The following PAPOLA variants were observed in gnomAD, a reference collection of about 807,000 sequenced individuals.
PAPOLA encodes the protein poly(A) polymerase alpha.
A neutral mutation model predicts 100.6 loss-of-function variants in PAPOLA; 15 were observed. The ratio of observed to expected loss-of-function variants is 0.15; its 90% CI spans 0.10 to 0.23. PAPOLA has a LOEUF of 0.23. Ranked by LOEUF, PAPOLA falls within the 10% of genes least tolerant of loss-of-function variation. The pLI, the probability that PAPOLA is intolerant of heterozygous loss-of-function variation, is 1.00. For missense variants in PAPOLA, 533 were observed against 884.2 expected (o/e 0.60, Z 5.04); for synonymous variants, 293 against 300.0 (o/e 0.98, Z 0.24).
chr14:96,562,887 C>T lies in PAPOLA; in HGVS notation c.2136C>T (p.Ala712=). 1 of 1,603,624 alleles carries T rather than the reference C, an allele frequency of 6.2e-7. No individual in the cohort carries two copies. The highest frequency in any genetic ancestry group is 1.3e-5 in the African/African-American group (1 of 74,786). The change falls in exon 21 of 22, where the codon GCC becomes GCT. Residue 712 remains alanine, a synonymous_variant. Coordinates refer to ENST00000216277, the MANE Select transcript of PAPOLA (RefSeq NM_032632.5). ...TTCAGACAGCGGCTTCTCTGTTGGCCTCTCAGGTACTAAGTGCAAAAAGCA... is the reference window on the plus strand; with the variant it reads ...TTCAGACAGCGGCTTCTCTGTTGGCTTCTCAGGTACTAAGTGCAAAAAGCA... ...ETIQTAASLL[A]SQKTSSTDLS...
Position 96,532,620 on chromosome 14 carries a change from A to G in PAPOLA, c.807A>G (p.Val269=). 1 of 1,608,050 alleles carries G rather than the reference A, an allele frequency of 6.2e-7. No homozygotes were observed. The highest frequency in any genetic ancestry group is 1.1e-5 in the South Asian group (1 of 89,716). ...LYPNAIASTL[V]HKFFLVFSKW... Reference sequence around the variant, plus strand: ...CAAATGCAATAGCATCAACTCTTGTACATAAATTTTTCTTGGTATTTTCTA... The same window carrying G: ...CAAATGCAATAGCATCAACTCTTGTGCATAAATTTTTCTTGGTATTTTCTA... Residue 269 remains valine, a synonymous_variant, in exon 9 of 22, where the codon GTA becomes GTG. Coordinates refer to ENST00000216277, the MANE Select transcript of PAPOLA (RefSeq NM_032632.5).
At chr14:96,544,800 T>C (rs771716760) in intron 15 of PAPOLA, among the ~76,000 whole-genome samples, 1 of 151,992 alleles carries the variant, frequency 6.6e-6, no homozygotes, top group Non-Finnish European at 1.5e-5. Flanking sequence ...ACCTGAGAAA[T>C]TGATGAAGCA....
At chr14:96,502,644 CT>C in intron 1 of PAPOLA, 44 bp downstream of exon 1, 1 of 1,558,144 alleles carries the variant, frequency 6.4e-7, no homozygotes, top group Non-Finnish European at 8.7e-7. Context: ...CCGGCTGGGC[CT>C]TGGGGGGCGT....
intron 2 of PAPOLA, 172 bp from the exon 3 acceptor site, chr14:96,520,832 AAG>A (rs748655985): frequency 8.2e-3 from 4,088 of 500,268 alleles, no homozygotes; most frequent in East Asian, 0.011. Context: ...TATATATAGA[AAG>A]AGAGAGAGAG....
intron 19 of PAPOLA, among the ~76,000 whole-genome samples, chr14:96,559,401 A>G (rs1356280683): frequency 6.6e-6 from 1 of 152,010 alleles, no homozygotes; most frequent in East Asian, 1.9e-4. Flanking sequence ...ACTAACGTGT[A>G]TATAGATAGG....
intron 3 of PAPOLA, among the ~76,000 whole-genome samples, chr14:96,523,284 C>A (rs1291657561): frequency 1.3e-5 from 2 of 152,110 alleles, no homozygotes; most frequent in African/African-American, 4.8e-5. Context: ...ATACTAATAT[C>A]TAAAAATGTA....
rs543610036 is a variant in PAPOLA at position 96,560,463 on chromosome 14, C to T, written c.2005-186C>T. 5 of 495,270 alleles carry T rather than the reference C, an allele frequency of 1.0e-5. No homozygotes were observed. The East Asian group carries it at 1.3e-4, about 13-fold the overall frequency. The allele number at this position is 495,270 out of a possible 1,614,324, so 30.7% of individuals were successfully genotyped here. On this transcript the variant is annotated intron_variant, in intron 19 of 21. Coordinates refer to ENST00000216277, the MANE Select transcript of PAPOLA (RefSeq NM_032632.5). ...CTAATGCTCTTTTTAATTTTATTAG[C>T]TACTGAAGCCAAATTTAATCTGATA...
chr14:96,515,506 A>G (rs1897391292), intron 1 of PAPOLA, among the ~76,000 whole-genome samples: 1 of 152,244 alleles, frequency 6.6e-6, no homozygotes, highest in Non-Finnish European at 1.5e-5. Flanking sequence ...AAGAATAAGG[A>G]TAGATACACA....
At chr14:96,524,851 T>TA (rs1290618950) in intron 3 of PAPOLA, among the ~76,000 whole-genome samples, 5 of 152,014 alleles carry the variant, frequency 3.3e-5, no homozygotes, top group Non-Finnish European at 7.4e-5. Flanking sequence ...TTTGATATGA[T>TA]AAAAAAAATA....
At chr14:96,525,521 A>C in intron 4 of PAPOLA, 130 bp downstream of exon 4, 1 of 504,010 alleles carries the variant, frequency 2.0e-6, no homozygotes, top group Non-Finnish European at 3.5e-6. Context: ...GAGGAGTCTA[A>C]ATTTTTCAGT....
chr14:96,544,818 T>G (rs571514680), intron 15 of PAPOLA, among the ~76,000 whole-genome samples: 1 of 152,196 alleles, frequency 6.6e-6, no homozygotes, highest in Admixed American at 6.5e-5. Flanking sequence ...GCAGAACTTG[T>G]GATGACCTGG....
intron 21 of PAPOLA, among the ~76,000 whole-genome samples, chr14:96,564,490 GTA>G (rs1405940980): frequency 6.6e-6 from 1 of 151,978 alleles, no homozygotes; most frequent in African/African-American, 2.4e-5. Context: ...TTGCTTAGCT[GTA>G]TATATTTGTT....
intron 1 of PAPOLA, among the ~76,000 whole-genome samples, chr14:96,515,708 C>G (rs1897405735): frequency 6.6e-6 from 1 of 152,148 alleles, no homozygotes; most frequent in African/African-American, 2.4e-5. Context: ...GCACAGTGTT[C>G]TTCATATTAA....
At chr14:96,559,581 C>CTCTCTCTTTCTA (rs370979875) in intron 19 of PAPOLA, among the ~76,000 whole-genome samples, 6 of 120,182 alleles carry the variant, frequency 5.0e-5, no homozygotes, top group Non-Finnish European at 1.0e-4. Flanking sequence ...CTCTCTCTCT[C>CTCTCTCTTTCTA]TATATATATA....
At chr14:96,523,113 T>C (rs1236477327) in intron 3 of PAPOLA, among the ~76,000 whole-genome samples, 4 of 152,022 alleles carry the variant, frequency 2.6e-5, no homozygotes, top group Non-Finnish European at 5.9e-5. Context: ...CTTACTGATT[T>C]TAGTTTCTGA....
rs1486324286 is a variant in PAPOLA at position 96,542,476 on chromosome 14, AT to A, written c.1169+187del. The A allele has an allele frequency of 1.1e-5, 6 of 558,412 alleles. No homozygotes were observed. The South Asian group carries it at 1.6e-4, about 15-fold the overall frequency. 34.6% of individuals were successfully genotyped at this position (558,412 alleles called of 1,614,324 possible). ...AAATCAGGAGATCCATATGCAACTT[AT>A]TTTTTTGTTTGCTTTATGGAGATCC... On this transcript the variant is annotated intron_variant, in intron 13 of 21. Transcript: ENST00000216277.
chr14:96,548,461 C>G (rs1379851412), intron 16 of PAPOLA, among the ~76,000 whole-genome samples: 1 of 151,986 alleles, frequency 6.6e-6, no homozygotes, highest in South Asian at 2.1e-4. Flanking sequence ...TAACTTAGAG[C>G]CATTTTTTCC....
intron 1 of PAPOLA, among the ~76,000 whole-genome samples, chr14:96,507,104 A>G (rs981459460): frequency 6.6e-6 from 1 of 152,148 alleles, no homozygotes; most frequent in African/African-American, 2.4e-5. Context: ...AACAGTTATA[A>G]TGTTGGTTTG....
At chr14:96,518,315 C>A (rs546765751) in intron 1 of PAPOLA, among the ~76,000 whole-genome samples, 15 of 152,154 alleles carry the variant, frequency 9.9e-5, no homozygotes, top group Admixed American at 9.2e-4. Flanking sequence ...ACAGTCTAGC[C>A]GTTGGAGTAT....
Sources: gnomAD v4.1 joint callset for allele counts (sites outside exome capture counted in the v4.1 genomes callset) on GRCh38, gnomAD v4.1.1 for gene constraint, MANE v1.5 for transcripts, NCBI Gene and HGNC (gene_info 2026-07-23, HGNC 2026-07-21) for gene names.